The following RNF170 variants were observed in gnomAD, a reference collection of about 807,000 sequenced individuals.
The protein encoded by RNF170 is E3 ubiquitin-protein ligase RNF170.
Under a neutral mutation model 32.7 loss-of-function variants are expected in RNF170, and 12 were observed. The ratio of observed to expected loss-of-function variants is 0.37; its 90% CI spans 0.24 to 0.60. The LOEUF is 0.60. Among genes scored for constraint, RNF170 ranks in the 20% least tolerant of loss-of-function variants. The pLI is 0.72. For missense variants in RNF170, 212 were observed against 311.2 expected (o/e 0.68, Z 2.40); for synonymous variants, 91 against 103.6 (o/e 0.88, Z 0.74).
At chr8:42,863,979 GA>G in intron 5 of RNF170, among the ~76,000 whole-genome samples, 1 of 112,476 alleles carries the variant, frequency 8.9e-6, no homozygotes, top group African/African-American at 3.6e-5. Flanking sequence ...GAGAGAGAGA[GA>G]GTGTGTGTGT....
chr8:42,861,492 C>T, intron 6 of RNF170: 1 of 427,198 alleles, frequency 2.3e-6, no homozygotes, highest in Non-Finnish European at 4.4e-6. Context: ...AGGCATGTGC[C>T]AACACTCTTG....
chr8:42,893,158 A>G (rs1004393284), intron 1 of RNF170, among the ~76,000 whole-genome samples: 5 of 152,200 alleles, frequency 3.3e-5, no homozygotes, highest in African/African-American at 1.2e-4. Flanking sequence ...AGTAGTGCGC[A>G]GGGTCTTACA....
At chr8:42,870,893 CA>C (rs965170338) in intron 3 of RNF170, among the ~76,000 whole-genome samples, 2 of 152,008 alleles carry the variant, frequency 1.3e-5, no homozygotes, top group African/African-American at 4.8e-5. Flanking sequence ...CTGTAGGACT[CA>C]TTGTACCTCA....
Position 42,865,534 on chromosome 8 carries a change from G to A in RNF170, c.323-45C>T, listed in dbSNP as rs775576565. 5.8e-5 allele frequency: 76 copies of A among 1,319,638 alleles called. 1 individual carries two copies. The highest frequency in any genetic ancestry group is 1.4e-5 in the African/African-American group (1 of 69,114). 81.7% of individuals were successfully genotyped at this position (1,319,638 alleles called of 1,614,324 possible). A position where few individuals can be genotyped will look rare whatever the true frequency, so the allele number is the denominator to read the frequency against. On this transcript the variant is annotated intron_variant, in intron 4 of 6. Transcript: ENST00000527424. ...AAACACATAACCCATTAATATTGAT[G>A]TTTTAAAGTCCACATATCCTCAGAA...
At chr8:42,883,274 C>T (rs771908896) in intron 2 of RNF170, among the ~76,000 whole-genome samples, 7 of 151,972 alleles carry the variant, frequency 4.6e-5, no homozygotes, top group Non-Finnish European at 7.4e-5. Context: ...AAGACCTGCA[C>T]ACACACCCCC....
intron 5 of RNF170, among the ~76,000 whole-genome samples, chr8:42,863,978 A>AGAGT (rs1190505065): frequency 2.9e-5 from 2 of 70,146 alleles, no homozygotes; most frequent in South Asian, 1.2e-3. Context: ...AGAGAGAGAG[A>AGAGT]GAGTGTGTGT....
chr8:42,874,874 T>C (rs1487840182), intron 2 of RNF170, among the ~76,000 whole-genome samples: 2 of 151,584 alleles, frequency 1.3e-5, no homozygotes, highest in East Asian at 2.0e-4. Context: ...ACATCCCATA[T>C]TGAAAGTCAG....
chr8:42,873,520 A>C (rs185179137), intron 3 of RNF170, among the ~76,000 whole-genome samples: 1 of 152,290 alleles, frequency 6.6e-6, no homozygotes, highest in Non-Finnish European at 1.5e-5. Context: ...TTTTGTTGTT[A>C]TAACTTTGAC....
At chr8:42,878,067 A>G (rs925907085) in intron 2 of RNF170, among the ~76,000 whole-genome samples, 8 of 152,116 alleles carry the variant, frequency 5.3e-5, no homozygotes, top group African/African-American at 9.7e-5. Flanking sequence ...CAATCAATCA[A>G]TCAATCAACG....
rs1049582155 is a variant in RNF170, at chr8:42,856,304, A to G, written c.632T>C (p.Phe211Ser). The G allele has an allele frequency of 1.3e-6, 2 of 1,584,276 alleles. No individual in the cohort carries two copies. Among genetic ancestry groups the G allele is most frequent in the Non-Finnish European group, 1.7e-6 (2 of 1,171,222 alleles). Reference protein sequence around the residue: ...RIILCLMGAFFYLISPLDFVP... With the variant: ...RIILCLMGAFSYLISPLDFVP... ...AAAATCTAGAGGTGATATAAGATAG[A>G]AAAAAGCTCCCATTAAACAAAGTAT... Residue 211 changes from phenylalanine (F) to serine (S), a missense_variant, in exon 7 of 7, where the codon TTC becomes TCC. By Grantham distance (155) the Phe-to-Ser change is radical. Transcript: ENST00000527424.
At chr8:42,864,791 A>G (rs989333514) in intron 5 of RNF170, among the ~76,000 whole-genome samples, 1 of 10,174 alleles carries the variant, frequency 9.8e-5, no homozygotes, top group Non-Finnish European at 1.7e-4. Flanking sequence ...TACATTGAGA[A>G]GGAAAAAAAT....
intron 3 of RNF170, among the ~76,000 whole-genome samples, chr8:42,871,821 A>T (rs949133139): frequency 6.6e-6 from 1 of 152,274 alleles, no homozygotes; most frequent in Middle Eastern, 3.4e-3. Flanking sequence ...AGCCTCCCAA[A>T]GTGCTGGGAT....
chr8:42,880,936 A>G (rs554045730), intron 2 of RNF170, among the ~76,000 whole-genome samples: 5 of 152,160 alleles, frequency 3.3e-5, no homozygotes, highest in Admixed American at 2.0e-4. Flanking sequence ...AGTATTTTAT[A>G]ATTAAAGTAT....
At chr8:42,868,984 C>A (rs1353018276) in intron 4 of RNF170, among the ~76,000 whole-genome samples, 3 of 152,144 alleles carry the variant, frequency 2.0e-5, no homozygotes, top group Non-Finnish European at 2.9e-5. Flanking sequence ...GATCACAGTT[C>A]ATTGCAGGCT....
chr8:42,850,738 T>C, downstream of RNF170: 1 of 1,549,406 alleles, frequency 6.5e-7, no homozygotes, highest in Non-Finnish European at 8.7e-7. Context: ...TGCCTACTTT[T>C]GCACTACTTT....
Position 42,873,915 on chromosome 8 carries a change from A to AATAC in RNF170, c.213+12_213+15dup, listed in dbSNP as rs1379317115. 1.4e-6 allele frequency: 2 copies of AATAC among 1,426,736 alleles called. No homozygotes were observed. Among genetic ancestry groups the AATAC allele is most frequent in the African/African-American group, 2.8e-5 (2 of 71,180 alleles). 88.4% of individuals were successfully genotyped at this position (1,426,736 alleles called of 1,614,324 possible). On this transcript the variant is annotated intron_variant, in intron 3 of 6. Transcript: ENST00000527424. ...AGCTATCACATCTACTCCTCAAATA[A>AATAC]ATACATATACAATACCTGTTCTGTT...
At chr8:42,859,745 C>T (rs1015786013) in intron 6 of RNF170, among the ~76,000 whole-genome samples, 1 of 152,136 alleles carries the variant, frequency 6.6e-6, no homozygotes, top group Non-Finnish European at 1.5e-5. Flanking sequence ...GCCTCCCGGG[C>T]TCAAGCAGTC....
At chr8:42,889,688 G>T (rs1442543119) in intron 1 of RNF170, among the ~76,000 whole-genome samples, 1 of 152,138 alleles carries the variant, frequency 6.6e-6, no homozygotes, top group Non-Finnish European at 1.5e-5. Context: ...AACTTTTAAT[G>T]ACTGGTTTCA....
intron 6 of RNF170, among the ~76,000 whole-genome samples, chr8:42,858,088 G>C (rs779886176): frequency 6.6e-6 from 1 of 152,048 alleles, no homozygotes; most frequent in Non-Finnish European, 1.5e-5. Context: ...AAAGTTTAGT[G>C]GTAGCTCTTA....
Sources: allele counts gnomAD v4.1 joint callset (sites outside exome capture counted in the v4.1 genomes callset), GRCh38; gene constraint gnomAD v4.1.1; transcripts MANE v1.5; gene names NCBI Gene and HGNC (gene_info 2026-07-23, HGNC 2026-07-21).